SYT14: variants seen among roughly 807,000 people sequenced by gnomAD.
The protein encoded by SYT14 is synaptotagmin 14, also known as synaptotagmin-14.
SYT14 carries 32 observed loss-of-function variants against 74.2 expected under a neutral mutation model. That is an observed-to-expected ratio of 0.43 (90% CI 0.33 to 0.58). SYT14 has a LOEUF of 0.58. SYT14 is among the 20% of genes least tolerant of loss of function. The pLI, the probability that SYT14 is intolerant of heterozygous loss-of-function variation, is 0.05. For synonymous variants in SYT14, 298 were observed against 337.7 expected, an observed-to-expected ratio of 0.88 and a Z score of 1.29; for missense variants, 791 against 981.8, an observed-to-expected ratio of 0.81 and a Z score of 2.60.
At chr1:210,064,680 G>A (rs2081265448) in intron 5 of SYT14, among the ~76,000 whole-genome samples, 1 of 152,014 alleles carries the variant, frequency 6.6e-6, no homozygotes, top group South Asian at 2.1e-4. Context: ...GGATTCTTGA[G>A]TTGCTTCTAC....
At chr1:210,167,416 A>G (rs2083467630) in exon 10 of SYT14, 1 of 152,222 alleles carries the variant, frequency 6.6e-6, no homozygotes, top group Non-Finnish European at 1.5e-5. Flanking sequence ...GCAAGTTAAT[A>G]CAGCAGCCTC....
intron 7 of SYT14, among the ~76,000 whole-genome samples, chr1:210,143,545 A>G (rs894467416): frequency 3.9e-5 from 6 of 152,130 alleles, no homozygotes; most frequent in African/African-American, 1.4e-4. Context: ...GCTATATTCA[A>G]TATTTTACCA....
Position 209,974,290 on chromosome 1 carries a change from C to G in SYT14, c.-486+21534C>G, listed in dbSNP as rs966727717. ...TTTAGACATGAAGTCCTTGCCCATGCCTATGTCCTGAATGGTATTGCCTAG... is the reference window on the plus strand; with the variant it reads ...TTTAGACATGAAGTCCTTGCCCATGGCTATGTCCTGAATGGTATTGCCTAG... On this transcript the variant is annotated intron_variant, in intron 2 of 9. Transcript: ENST00000637265. Among the ~76,000 whole-genome samples, 9 of 152,098 alleles carry G rather than the reference C, an allele frequency of 5.9e-5. 1 individual carries two copies. Among genetic ancestry groups the G allele is most frequent in the Admixed American group, 6.6e-5 (1 of 15,258 alleles).
In SYT14 at chr1:210,013,773, A is replaced by G. The variant is rs149170280; in HGVS notation, c.-345A>G. The G allele has an allele frequency of 7.8e-4, 1,255 of 1,612,266 alleles. 1 individual carries two copies. Among genetic ancestry groups the G allele is most frequent in the Non-Finnish European group, 9.9e-4 (1,165 of 1,179,592 alleles). The stretch of plus-strand genomic sequence containing the variant: ...AGATCTTGGTTCAGAATACAGTACA[A>G]GGAAGAATTCACAAGATAAAATTTG... On this transcript the variant is annotated 5_prime_UTR_variant, in exon 3 of 10. Coordinates refer to ENST00000637265, the Ensembl canonical transcript of SYT14.
chr1:209,940,573 G>A (rs1421134010), intron 1 of SYT14, among the ~76,000 whole-genome samples: 1 of 152,060 alleles, frequency 6.6e-6, no homozygotes, highest in Non-Finnish European at 1.5e-5. Flanking sequence ...AATGATGATG[G>A]GTCTAACACT....
Position 209,940,467 on chromosome 1 carries a change from T to C in SYT14, c.-534+2190T>C, listed in dbSNP as rs149622847. On this transcript the variant is annotated intron_variant, in intron 1 of 9. Transcript: ENST00000637265. ...TATAACCCTTCTCTCAAAGAGTTCA[T>C]GTTCTATTCGGAGAGACAGATAATT... Among the ~76,000 whole-genome samples the C allele has an allele frequency of 2.4e-3, 372 of 152,262 alleles. 1 individual carries two copies. The highest frequency in any genetic ancestry group is 5.4e-3 in the African/African-American group (226 of 41,542).
At chr1:210,088,621 G>T (rs1012910690) in intron 5 of SYT14, among the ~76,000 whole-genome samples, 2 of 152,040 alleles carry the variant, frequency 1.3e-5, no homozygotes, top group Non-Finnish European at 2.9e-5. Context: ...TAAAGAAAAT[G>T]TGGCACATAT....
chr1:210,135,782 A>G (rs1363233772), intron 7 of SYT14, among the ~76,000 whole-genome samples: 1 of 152,176 alleles, frequency 6.6e-6, no homozygotes, highest in Non-Finnish European at 1.5e-5. Flanking sequence ...GCTTGCTTTT[A>G]AGTTTTGCTA....
chr1:210,043,002 ATTTG>A (rs1245046169), intron 5 of SYT14, among the ~76,000 whole-genome samples: 2 of 152,084 alleles, frequency 1.3e-5, no homozygotes, highest in African/African-American at 4.8e-5. Context: ...ATGTTTTTCC[ATTTG>A]TTTGTGTCCT....
chr1:210,063,400 T>C (rs1050109714), intron 5 of SYT14, among the ~76,000 whole-genome samples: 1 of 151,882 alleles, frequency 6.6e-6, no homozygotes, highest in Non-Finnish European at 1.5e-5. Context: ...ATTTCTGAAC[T>C]TTATTGTGTT....
At chr1:209,952,874 T>C (rs1209963483) in intron 2 of SYT14, 118 bp downstream of exon 2, 2 of 1,141,998 alleles carry the variant, frequency 1.8e-6, no homozygotes, top group Non-Finnish European at 2.5e-6. Context: ...TTAGTAAATA[T>C]TAACATTTGT....
At chr1:209,953,429 T>TGTGATTACTTATA (rs2078943606) in intron 2 of SYT14, among the ~76,000 whole-genome samples, 1 of 152,220 alleles carries the variant, frequency 6.6e-6, no homozygotes, top group Non-Finnish European at 1.5e-5. Flanking sequence ...CTCATAAATT[T>TGTGATTACTTATA]ACTACTCTTG....
At chr1:209,990,548 T>TACGTATATATATATAC (rs59238920) in intron 2 of SYT14, among the ~76,000 whole-genome samples, 1 of 68,050 alleles carries the variant, frequency 1.5e-5, no homozygotes, top group African/African-American at 3.4e-5. Flanking sequence ...CGTATATATA[T>TACGTATATATATATAC]GTATATATAT....
chr1:209,982,733 A>G (rs749354899), intron 2 of SYT14, among the ~76,000 whole-genome samples: 1 of 152,248 alleles, frequency 6.6e-6, no homozygotes, highest in African/African-American at 2.4e-5. Context: ...TTGCTGGATC[A>G]TATGGTAAGA....
chr1:210,065,981 G>T (rs2081288820), intron 5 of SYT14, among the ~76,000 whole-genome samples: 1 of 151,678 alleles, frequency 6.6e-6, no homozygotes, highest in Admixed American at 6.6e-5. Flanking sequence ...GTGGCGTTTG[G>T]TTTTTTGTCC....
intron 7 of SYT14, among the ~76,000 whole-genome samples, chr1:210,155,113 T>C (rs965577253): frequency 2.6e-5 from 4 of 152,220 alleles, no homozygotes; most frequent in Middle Eastern, 3.2e-3. Flanking sequence ...GGGATTATTT[T>C]AGTTTTTAGT....
At chr1:210,099,990 C>G (rs1180036612) in intron 6 of SYT14, 22 bp from the exon 6 acceptor site, 1 of 1,605,938 alleles carries the variant, frequency 6.2e-7, no homozygotes, top group South Asian at 1.1e-5. Context: ...AAAACTCTAA[C>G]ATTTAAATTT....
intron 7 of SYT14, among the ~76,000 whole-genome samples, chr1:210,150,623 T>C (rs1031949018): frequency 1.2e-4 from 18 of 152,182 alleles, no homozygotes; most frequent in African/African-American, 4.3e-4. Context: ...GCACCCTCTG[T>C]GATCGCCCCA....
intron 2 of SYT14, among the ~76,000 whole-genome samples, chr1:209,984,925 A>G (rs1296570349): frequency 6.6e-6 from 1 of 152,170 alleles, no homozygotes; most frequent in Non-Finnish European, 1.5e-5. Flanking sequence ...CACTATTTCA[A>G]GAACAGCACT....
Sources: gnomAD v4.1 joint callset for allele counts (sites outside exome capture counted in the v4.1 genomes callset) on GRCh38, gnomAD v4.1.1 for gene constraint, MANE v1.5 for transcripts, NCBI Gene and HGNC (gene_info 2026-07-23, HGNC 2026-07-21) for gene names.